Variants in GIPR observed in about 807,000 individuals in gnomAD.
The protein encoded by GIPR is GIP-R.
Under a neutral mutation model 62.2 loss-of-function variants are expected in GIPR, and 74 were observed. That is an observed-to-expected ratio of 1.19 (90% CI 0.99 to 1.44). The LOEUF (loss-of-function observed/expected upper bound fraction) is 1.44, where lower values mean the gene tolerates loss of function less well. Ranked by LOEUF, GIPR falls within the 40% of genes most tolerant of loss-of-function variation. The pLI is 0.00. For missense variants in GIPR, 664 were observed against 611.8 expected (o/e 1.09, Z -0.90); for synonymous variants, 256 against 262.2 (o/e 0.98, Z 0.23).
intron 1 of GIPR, among the ~76,000 whole-genome samples, chr19:45,669,212 C>A (rs1975408530): frequency 6.6e-6 from 1 of 152,192 alleles, no homozygotes; most frequent in African/African-American, 2.4e-5. Context: ...CCCCTTCCAC[C>A]TTTGCTGCCC....
At chr19:45,680,149 G>A (rs896502205) in intron 12 of GIPR, among the ~76,000 whole-genome samples, 3 of 152,160 alleles carry the variant, frequency 2.0e-5, no homozygotes, top group African/African-American at 7.2e-5. Context: ...CACTTTGGAG[G>A]CCAAGGAGGC....
At chr19:45,679,072 A>G (rs1013324238) in intron 12 of GIPR, among the ~76,000 whole-genome samples, 5 of 152,162 alleles carry the variant, frequency 3.3e-5, no homozygotes, top group African/African-American at 9.7e-5. Context: ...TCAGCAAAAA[A>G]TTACTGAGCA....
intron 2 of GIPR, chr19:45,670,354 G>C (rs1161514760): frequency 1.9e-5 from 7 of 361,634 alleles, no homozygotes; most frequent in Admixed American, 1.7e-4. Context: ...TTTGATTATC[G>C]TTTCCACTCC....
At chr19:45,672,701 C>A in intron 4 of GIPR, 150 bp from the exon 5 acceptor site, 1 of 675,718 alleles carries the variant, frequency 1.5e-6, no homozygotes, top group South Asian at 1.6e-5. Flanking sequence ...ATACAAATAA[C>A]ATGCCATATA....
At position 45,681,910 on chromosome 19, in the gene GIPR, G is replaced by A. The variant is rs1438652009; in HGVS notation, c.1376G>A (p.Ser459Asn). 6.4e-7 allele frequency: 1 copy of A among 1,560,442 alleles called. No homozygotes were observed. Among genetic ancestry groups the A allele is most frequent in the Non-Finnish European group, 8.7e-7 (1 of 1,151,566 alleles). ...CTCCCAGGGCCTGGGAATGAGGCCA[G>A]CCGGGAGTTGGAAAGTTACTGCTAG... is the stretch of plus-strand genomic sequence containing the variant. ...GTLPGPGNEA[S>N]RELESYC The change falls in exon 14 of 14, where the codon AGC becomes AAC. Residue 459 changes from serine (S) to asparagine (N), a missense_variant. By Grantham distance (46) the Ser-to-Asn change is conservative. Transcript: ENST00000590918.
At chr19:45,675,121 AC>A in intron 7 of GIPR, 1 of 385,240 alleles carries the variant, frequency 2.6e-6, no homozygotes, top group East Asian at 6.6e-5. Flanking sequence ...GAGAGAATCC[AC>A]CTGCTGGCGG....
chr19:45,671,669 G>T (rs1268428994), intron 4 of GIPR, among the ~76,000 whole-genome samples: 1 of 152,052 alleles, frequency 6.6e-6, no homozygotes, highest in Non-Finnish European at 1.5e-5. Flanking sequence ...GGATGAACTC[G>T]GCTCACTGCA....
chr19:45,669,340 G>C, intron 1 of GIPR, 137 bp from the exon 2 acceptor site: 1 of 782,336 alleles, frequency 1.3e-6, no homozygotes. Context: ...AGTTGCGGGA[G>C]CGGGTGCGCT....
intron 6 of GIPR, 118 bp downstream of exon 6, chr19:45,674,295 A>C (rs1975716179): frequency 3.8e-6 from 3 of 781,288 alleles, no homozygotes; most frequent in Non-Finnish European, 6.9e-6. Context: ...TTCTATGGGG[A>C]GCAGTGGGGG....
At chr19:45,675,611 G>A (rs1015570596) in intron 7 of GIPR, among the ~76,000 whole-genome samples, 3 of 137,896 alleles carry the variant, frequency 2.2e-5, no homozygotes, top group Non-Finnish European at 3.1e-5. Flanking sequence ...AGCGTGGCCC[G>A]GCAGTGGCTC....
Position 45,676,969 on chromosome 19 carries a change from G to T in GIPR, c.654G>T (p.Thr218=). ...LWNQALAACR[T]AQIVTQYCVG... The stretch of plus-strand genomic sequence containing the variant: ...CCTAGGCCCTCGCTGCCTGCCGCAC[G>T]GCCCAGATCGTGACCCAGTACTGCG... The change falls in exon 8 of 14, where the codon ACG becomes ACT. Residue 218 remains threonine (T), a synonymous_variant. Coordinates refer to ENST00000590918, the MANE Select transcript of GIPR (RefSeq NM_000164.4). 6.2e-7 allele frequency: 1 copy of T among 1,614,084 alleles called. No homozygotes were observed. The highest frequency in any genetic ancestry group is 8.5e-7 in the Non-Finnish European group (1 of 1,180,014).
Position 45,682,362 on chromosome 19 carries a change from G to T in GIPR, c.*427G>T, listed in dbSNP as rs1033466646. The T allele has an allele frequency of 5.7e-6, 1 of 176,510 alleles. No homozygotes were observed. The highest frequency in any genetic ancestry group is 1.2e-5 in the Non-Finnish European group (1 of 84,454). The allele number at this position is 176,510 out of a possible 1,614,324, so 10.9% of individuals were successfully genotyped here. A position where few individuals can be genotyped will look rare whatever the true frequency, so the allele number is the denominator to read the frequency against. ...AACAGGTGGGGAGAGACAGAGAAGT[G>T]GGCAGGGGCACCCAAGTTGGGATTT... On this transcript the variant is annotated 3_prime_UTR_variant, in exon 14 of 14. Coordinates refer to ENST00000590918, the MANE Select transcript of GIPR (RefSeq NM_000164.4).
rs773456016 is a variant in GIPR, at chr19:45,670,669, A to C, written c.107A>C (p.Tyr36Ser). The change falls in exon 3 of 14, where the codon TAC becomes TCC. Residue 36 changes from tyrosine to serine, a missense_variant. Physicochemically the swap from Tyr to Ser is moderately radical, Grantham distance 144 (BLOSUM62 -2). Coordinates refer to ENST00000590918, the MANE Select transcript of GIPR (RefSeq NM_000164.4). ...GSKGQTAGEL[Y>S]QRWERYRREC... ...AAGGGGCAGACGGCGGGGGAGCTGT[A>C]CCAGCGCTGGGAACGGTACCGCAGG... The C allele has an allele frequency of 6.2e-7, 1 of 1,613,276 alleles. No individual in the cohort carries two copies. The highest frequency in any genetic ancestry group is 1.7e-5 in the Admixed American group (1 of 59,928).
intron 4 of GIPR, chr19:45,672,646 T>C (rs1445226686): frequency 3.6e-6 from 2 of 551,414 alleles, no homozygotes; most frequent in East Asian, 6.7e-5. Context: ...TAGAACTAGG[T>C]TAAGGATATT....
rs142585111 is a variant in GIPR, at chr19:45,674,554, C to A, written c.489-128C>A. On this transcript the variant is annotated intron_variant, in intron 6 of 13. Coordinates refer to ENST00000590918, the MANE Select transcript of GIPR (RefSeq NM_000164.4). Reference sequence around the variant, plus strand: ...CTCAGGAGGTTGAGGCTGCAGTGAGCCCTGATTGTGTCACTGCATTCTAGC... The same window carrying A: ...CTCAGGAGGTTGAGGCTGCAGTGAGACCTGATTGTGTCACTGCATTCTAGC... 8.5e-4 allele frequency: 704 copies of A among 828,178 alleles called. 5 individuals are homozygous for A. In the African/African-American group the frequency reaches 0.01, roughly 12 times the overall value. 51.3% of individuals were successfully genotyped at this position (828,178 alleles called of 1,614,324 possible).
chr19:45,671,239 T>A (rs750197580), intron 3 of GIPR, 46 bp from the exon 4 acceptor site: 2 of 1,145,650 alleles, frequency 1.7e-6, no homozygotes, highest in South Asian at 2.4e-5. Flanking sequence ...CTTGGCCCAC[T>A]GCGCAGTAGG....
Position 45,677,892 on chromosome 19 carries a change from A to C in GIPR, c.925-14A>C, listed in dbSNP as rs1343203864. 1.9e-6 allele frequency: 3 copies of C among 1,612,658 alleles called. No individual in the cohort carries two copies. The highest frequency in any genetic ancestry group is 1.7e-6 in the Non-Finnish European group (2 of 1,178,788). ...TGGGATCGCGGCTGGCTCAGCCCTT[A>C]TCTCTCCCCACAGATTAATTTCCTC... On this transcript the variant is annotated splice_polypyrimidine_tract_variant and intron_variant, in intron 10 of 13. Transcript: ENST00000590918.
At chr19:45,674,298 A>G in intron 6 of GIPR, 121 bp downstream of exon 6, 1 of 774,884 alleles carries the variant, frequency 1.3e-6, no homozygotes, top group South Asian at 1.4e-5. Flanking sequence ...TATGGGGAGC[A>G]GTGGGGGTGG....
chr19:45,670,787 G>A, intron 3 of GIPR, 53 bp downstream of exon 3: 1 of 1,111,832 alleles, frequency 9.0e-7, no homozygotes, highest in Non-Finnish European at 1.3e-6. Flanking sequence ...GAGAGGGGTG[G>A]GCTTGGGATG....
Sources: allele counts gnomAD v4.1 joint callset (sites outside exome capture counted in the v4.1 genomes callset), GRCh38; gene constraint gnomAD v4.1.1; transcripts MANE v1.5; gene names NCBI Gene and HGNC (gene_info 2026-07-23, HGNC 2026-07-21).